Variants in TBCD observed in about 807,000 individuals in gnomAD.
TBCD encodes the protein tubulin folding cofactor D.
A neutral mutation model predicts 169.3 loss-of-function variants in TBCD; 105 were observed. That is an observed-to-expected ratio of 0.62 (90% CI 0.53 to 0.73). TBCD has a LOEUF of 0.73. Ranked by LOEUF, TBCD falls within the 30% of genes least tolerant of loss-of-function variation. TBCD has a pLI of 0.00. For missense variants in TBCD, 1,444 were observed against 1,600.1 expected (o/e 0.90, Z 1.66); for synonymous variants, 700 against 643.9 (o/e 1.09, Z -1.32).
rs2060009853 is a variant in TBCD at position 82,903,255 on chromosome 17, TTG to T, written c.1731-148_1731-147del. On this transcript the variant is annotated intron_variant, in intron 18 of 38. Coordinates refer to ENST00000355528, the MANE Select transcript of TBCD (RefSeq NM_005993.5). This position sits in a 1 kb window ranked among gnomAD's most constrained non-coding sequence, Gnocchi z 4.8. Reference sequence around the variant, plus strand: ...TGTCGTCTGTTGGAGTCGGAGGTTCTTGTACTGGTTCGTGTGAGTGAGTGAGT... The same window carrying T: ...TGTCGTCTGTTGGAGTCGGAGGTTCTTACTGGTTCGTGTGAGTGAGTGAGT... The T allele has an allele frequency of 5.8e-6, 4 of 692,926 alleles. No homozygotes were observed. Among genetic ancestry groups the T allele is most frequent in the Non-Finnish European group, 1.0e-5 (4 of 392,734 alleles). The allele number at this position is 692,926 out of a possible 1,614,324, so 42.9% of individuals were successfully genotyped here.
intron 13 of TBCD, among the ~76,000 whole-genome samples, chr17:82,827,849 TTGAA>T (rs1212045329): frequency 9.7e-6 from 1 of 103,458 alleles, no homozygotes; most frequent in Non-Finnish European, 1.8e-5. Context: ...ACCCACACAA[TTGAA>T]TGCACACACA....
At chr17:82,758,510 A>G (rs1319133637) in intron 2 of TBCD, among the ~76,000 whole-genome samples, 2 of 148,862 alleles carry the variant, frequency 1.3e-5, no homozygotes, top group African/African-American at 2.5e-5. Context: ...TTGGCCTCCT[A>G]AAGTGCTGGG....
At position 82,805,879 on chromosome 17, in the gene TBCD, C is replaced by T; in HGVS notation, c.955C>T (p.Gln319Ter). The stretch of plus-strand genomic sequence containing the variant: ...AGGATGCTTTGCTTTGCACAGGTAC[C>T]AGCGTGGCTGCCGATCTTTGGCTGC... ...LKPKVAAWRY[Q>*]RGCRSLAANL... The change falls in exon 10 of 39, where the codon CAG becomes TAG. Residue 319 changes from glutamine (Q) to a stop codon, truncating the protein, a stop_gained. Transcript: ENST00000355528. LOFTEE classifies it high-confidence loss of function. The T allele has an allele frequency of 1.2e-6, 2 of 1,608,530 alleles. No individual in the cohort carries two copies. The highest frequency in any genetic ancestry group is 1.7e-6 in the Non-Finnish European group (2 of 1,175,382).
Position 82,782,978 on chromosome 17 carries a change from C to T in TBCD, c.771+1257C>T, listed in dbSNP as rs954791523. Among the ~76,000 whole-genome samples the T allele has an allele frequency of 4.0e-5, 6 of 149,990 alleles. No individual in the cohort carries two copies. Among genetic ancestry groups the T allele is most frequent in the Admixed American group, 1.3e-4 (2 of 15,052 alleles). ...CTCCTGTCCATGGTGGCCTCCTGTC[C>T]GCTGTGCCCTCCTGTCCGCGGCGTC... On this transcript the variant is annotated intron_variant, in intron 7 of 38. Transcript: ENST00000355528. The surrounding 1 kb of genome is among the most constrained non-coding windows in gnomAD (Gnocchi z 5.1).
chr17:82,766,067 G>A (rs2048002460), intron 3 of TBCD, among the ~76,000 whole-genome samples, 200 bp from the exon 4 acceptor site: 1 of 152,150 alleles, frequency 6.6e-6, no homozygotes, highest in African/African-American at 2.4e-5. Context: ...TGGGATTACG[G>A]GTGTGAGCCA....
At chr17:82,815,794 G>A (rs769041452) in intron 13 of TBCD, among the ~76,000 whole-genome samples, 4 of 151,674 alleles carry the variant, frequency 2.6e-5, no homozygotes, top group East Asian at 2.0e-4. Context: ...TGAAGTGACC[G>A]CTTTGCACTT....
chr17:82,889,342 G>A lies in TBCD; in HGVS notation c.1534-326G>A, dbSNP rs982655707. Among the ~76,000 whole-genome samples the A allele has an allele frequency of 2.0e-5, 3 of 152,116 alleles. No homozygotes were observed. The highest frequency in any genetic ancestry group is 2.9e-5 in the Non-Finnish European group (2 of 68,018). ...CCTGAGGAAGAGTGTTCGGGCTCTG[G>A]GCTTTGATTTAACCTGCCTGTCTGT... On this transcript the variant is annotated intron_variant, in intron 15 of 38. Transcript: ENST00000355528. The surrounding 1 kb of genome is among the most constrained non-coding windows in gnomAD (Gnocchi z 5.3).
chr17:82,929,760 C>G, intron 32 of TBCD: 1 of 600,490 alleles, frequency 1.7e-6, no homozygotes, highest in South Asian at 1.9e-5. Context: ...CTTGGAGCTC[C>G]CAGCGTCCCC....
At chr17:82,912,025 T>A (rs1239557134) in intron 23 of TBCD, among the ~76,000 whole-genome samples, 1 of 152,154 alleles carries the variant, frequency 6.6e-6, no homozygotes, top group East Asian at 1.9e-4. Flanking sequence ...TGGGAGGGGT[T>A]GCACCCAGGA....
intron 13 of TBCD, among the ~76,000 whole-genome samples, chr17:82,868,671 CAG>C (rs1347077476): frequency 3.9e-5 from 6 of 152,142 alleles, no homozygotes; most frequent in Non-Finnish European, 7.4e-5. Flanking sequence ...TGCAAAAAGT[CAG>C]AGGGGAAATT....
At position 82,752,394 on chromosome 17, in the gene TBCD, G is replaced by A. The variant is rs1229172411; in HGVS notation, c.184+17G>A. Reference sequence around the variant, plus strand: ...GGTTCCGCGGTGCGTGGGCGGCGCCGCGTGCCCGCTTCCTCCCCCGGCCCG... The same window carrying A: ...GGTTCCGCGGTGCGTGGGCGGCGCCACGTGCCCGCTTCCTCCCCCGGCCCG... On this transcript the variant is annotated intron_variant, in intron 1 of 38. Coordinates refer to ENST00000355528, the MANE Select transcript of TBCD (RefSeq NM_005993.5). 15 of 1,224,062 alleles carry A rather than the reference G, an allele frequency of 1.2e-5. No individual in the cohort carries two copies. The highest frequency in any genetic ancestry group is 1.5e-5 in the Non-Finnish European group (15 of 984,868). The allele number at this position is 1,224,062 out of a possible 1,614,324, so 75.8% of individuals were successfully genotyped here.
chr17:82,755,698 G>A (rs1368410467), intron 1 of TBCD, among the ~76,000 whole-genome samples: 1 of 152,204 alleles, frequency 6.6e-6, no homozygotes, highest in Non-Finnish European at 1.5e-5. Flanking sequence ...TTGGCCAAGA[G>A]GAGGGGTCTG....
intron 7 of TBCD, among the ~76,000 whole-genome samples, chr17:82,788,429 G>A (rs1302903295): frequency 6.6e-6 from 1 of 152,006 alleles, no homozygotes; most frequent in African/African-American, 2.4e-5. Context: ...ACTGCGAGAC[G>A]GGGCTGTTGA....
At position 82,942,489 on chromosome 17, in the gene TBCD, C is replaced by G. The variant is rs2063409112; in HGVS notation, c.*26C>G. On this transcript the variant is annotated 3_prime_UTR_variant, in exon 39 of 39. Coordinates refer to ENST00000355528, the MANE Select transcript of TBCD (RefSeq NM_005993.5). ...AGCCAGTCCTGGAGCCCATACCTCA[C>G]CCCTGCCTGGTGAGGATGTCTTGTT... is the stretch of plus-strand genomic sequence containing the variant. 8 of 1,613,938 alleles carry G rather than the reference C, an allele frequency of 5.0e-6. No individual in the cohort carries two copies. The highest frequency in any genetic ancestry group is 6.8e-6 in the Non-Finnish European group (8 of 1,179,870).
chr17:82,836,347 G>C (rs1305183576), intron 13 of TBCD, among the ~76,000 whole-genome samples: 1 of 152,200 alleles, frequency 6.6e-6, no homozygotes, highest in South Asian at 2.1e-4. Flanking sequence ...GATGTGTTAC[G>C]GCAGGGATCT....
intron 13 of TBCD, among the ~76,000 whole-genome samples, chr17:82,840,954 GTTTTTTT>G (rs1295995328): frequency 4.5e-5 from 2 of 44,278 alleles, no homozygotes; most frequent in Non-Finnish European, 4.6e-5. Context: ...AGACAAACTG[GTTTTTTT>G]TTTTTTTTTT....
chr17:82,761,646 G>T (rs2047760451), intron 2 of TBCD, among the ~76,000 whole-genome samples: 1 of 151,914 alleles, frequency 6.6e-6, no homozygotes, highest in Non-Finnish European at 1.5e-5. Flanking sequence ...ACATCTCCGG[G>T]ACTTACCATT....
At chr17:82,811,413 T>C (rs919375071) in intron 12 of TBCD, among the ~76,000 whole-genome samples, 2 of 152,260 alleles carry the variant, frequency 1.3e-5, no homozygotes, top group African/African-American at 4.8e-5. Flanking sequence ...TCCTGGCTGG[T>C]TTAATCTTCA....
chr17:82,775,886 TATA>T (rs2048566128), intron 6 of TBCD, among the ~76,000 whole-genome samples: 1 of 151,672 alleles, frequency 6.6e-6, no homozygotes, highest in South Asian at 2.1e-4. Flanking sequence ...AAACTTAAAG[TATA>T]ATAATAAAAA....
Sources: gnomAD v4.1 joint callset for allele counts (sites outside exome capture counted in the v4.1 genomes callset) on GRCh38, gnomAD v4.1.1 for gene constraint, Gnocchi (gnomAD v3.1) non-coding constraint, MANE v1.5 for transcripts, NCBI Gene and HGNC (gene_info 2026-07-23, HGNC 2026-07-21) for gene names.